The following DNAI4 variants were observed in gnomAD, a reference collection of about 807,000 sequenced individuals.
DNAI4 encodes WD repeat domain 78.
DNAI4 carries 85 observed loss-of-function variants against 105.8 expected under a neutral mutation model. The observed-to-expected ratio is 0.80, with a 90% CI of 0.67 to 0.96. The LOEUF (loss-of-function observed/expected upper bound fraction) is 0.96, where lower values mean the gene tolerates loss of function less well. Among genes scored for constraint, DNAI4 ranks in the 40% least tolerant of loss-of-function variants. The probability of loss-of-function intolerance (pLI) is 0.00; values close to 1 mark genes in which losing one functional copy is unlikely to be tolerated. For missense variants in DNAI4, 1,014 were observed against 1,005.6 expected (o/e 1.01, Z -0.11); for synonymous variants, 352 against 331.5 (o/e 1.06, Z -0.67).
At chr1:66,816,198 A>C (rs946453403) in intron 16 of DNAI4, among the ~76,000 whole-genome samples, 1 of 152,172 alleles carries the variant, frequency 6.6e-6, no homozygotes, top group African/African-American at 2.4e-5. Context: ...TAAAAGTAGC[A>C]ATTAGAAAAA....
intron 9 of DNAI4, among the ~76,000 whole-genome samples, 153 bp downstream of exon 9, chr1:66,840,316 C>A (rs2100475407): frequency 6.6e-6 from 1 of 152,138 alleles, no homozygotes; most frequent in East Asian, 1.9e-4. Flanking sequence ...CCTTTTTAAA[C>A]TGGAACTTGT....
At chr1:66,893,679 T>TAA (rs1333281171) in intron 2 of DNAI4, among the ~76,000 whole-genome samples, 2 of 152,200 alleles carry the variant, frequency 1.3e-5, no homozygotes, top group African/African-American at 4.8e-5. Context: ...AGTGGAAAGA[T>TAA]AATTCATCCA....
At chr1:66,845,155 C>G in intron 8 of DNAI4, among the ~76,000 whole-genome samples, 1 of 115,268 alleles carries the variant, frequency 8.7e-6, no homozygotes, top group Non-Finnish European at 1.8e-5. Context: ...CGTGCCTTTG[C>G]ACTCCAGCCT....
chr1:66,845,791 T>A (rs997096957), intron 8 of DNAI4, among the ~76,000 whole-genome samples: 11 of 144,672 alleles, frequency 7.6e-5, no homozygotes, highest in Admixed American at 4.5e-4. Flanking sequence ...TTATATGACA[T>A]ACCAGAATAG....
intron 10 of DNAI4, among the ~76,000 whole-genome samples, chr1:66,837,382 A>C (rs1018306960): frequency 6.6e-6 from 1 of 151,644 alleles, no homozygotes; most frequent in Non-Finnish European, 1.5e-5. Context: ...AAAAAAAAAA[A>C]AACATAATTT....
At chr1:66,893,587 AT>A (rs1457935941) in intron 2 of DNAI4, among the ~76,000 whole-genome samples, 174 bp from the exon 3 acceptor site, 9 of 152,190 alleles carry the variant, frequency 5.9e-5, no homozygotes, top group Non-Finnish European at 1.3e-4. Flanking sequence ...AAGTTTCTTA[AT>A]TATGCAAAAA....
At chr1:66,851,247 A>G (rs1479701782) in intron 7 of DNAI4, among the ~76,000 whole-genome samples, 1 of 151,938 alleles carries the variant, frequency 6.6e-6, no homozygotes, top group African/African-American at 2.4e-5. Context: ...ATTACCAGGG[A>G]TATATAGCAA....
intron 10 of DNAI4, among the ~76,000 whole-genome samples, chr1:66,836,300 GAAA>G (rs1646019584): frequency 1.3e-5 from 2 of 150,274 alleles, no homozygotes; most frequent in East Asian, 2.0e-4. Flanking sequence ...AAGAAAGAAA[GAAA>G]GAAAGAAAGA....
Position 66,834,155 on chromosome 1 carries a change from C to A in DNAI4, c.1734-7G>T. ...ATGTTTTTGAGGTGATTCACTAAAA[C>A]AGTAAAAAAAATACTAAACATATAA... On this transcript the variant is annotated splice_polypyrimidine_tract_variant and splice_region_variant and intron_variant, in intron 11 of 16. Coordinates refer to ENST00000371026, the MANE Select transcript of DNAI4 (RefSeq NM_024763.5). 1 of 1,588,154 alleles carries A rather than the reference C, an allele frequency of 6.3e-7. No individual in the cohort carries two copies. The highest frequency in any genetic ancestry group is 1.2e-5 in the South Asian group (1 of 85,110).
rs1645966091 is a variant in DNAI4, at chr1:66,835,532, A to T, written c.1733+94T>A. Reference sequence around the variant, plus strand: ...AAAAATAATGGTATCACTCTCAGTAACAACAAAAATATTTACTCAAAACTA... The same window carrying T: ...AAAAATAATGGTATCACTCTCAGTATCAACAAAAATATTTACTCAAAACTA... On this transcript the variant is annotated intron_variant, in intron 11 of 16. Transcript: ENST00000371026. 5 of 1,323,288 alleles carry T rather than the reference A, an allele frequency of 3.8e-6. No homozygotes were observed. In the South Asian group the frequency reaches 6.9e-5, roughly 18 times the overall value. The allele number at this position is 1,323,288 out of a possible 1,614,324, so 82.0% of individuals were successfully genotyped here. A position where few individuals can be genotyped will look rare whatever the true frequency, so the allele number is the denominator to read the frequency against.
chr1:66,836,217 AGAG>A (rs879752671), intron 10 of DNAI4, among the ~76,000 whole-genome samples: 5,043 of 112,616 alleles, frequency 0.045, 431 homozygotes, highest in East Asian at 0.13. Context: ...AGAGAGAGAG[AGAG>A]AGAGAGAGAG....
chr1:66,911,859 T>C (rs550808862), intron 1 of DNAI4, among the ~76,000 whole-genome samples: 1 of 152,302 alleles, frequency 6.6e-6, no homozygotes, highest in Admixed American at 6.5e-5. Context: ...TTCTTTTCTT[T>C]GAGACAGAGT....
chr1:66,844,981 G>A (rs1646239444), intron 8 of DNAI4, among the ~76,000 whole-genome samples: 1 of 152,054 alleles, frequency 6.6e-6, no homozygotes, highest in East Asian at 1.9e-4. Context: ...ATCACCTGAG[G>A]TCAAGAGTTC....
At chr1:66,868,957 C>G (rs1454964938) in intron 6 of DNAI4, among the ~76,000 whole-genome samples, 1 of 151,692 alleles carries the variant, frequency 6.6e-6, no homozygotes, top group Non-Finnish European at 1.5e-5. Context: ...GCCTGTAGTC[C>G]CAGATACTTG....
chr1:66,829,028 A>C (rs537521918), intron 13 of DNAI4, among the ~76,000 whole-genome samples: 1 of 152,226 alleles, frequency 6.6e-6, no homozygotes, highest in South Asian at 2.1e-4. Context: ...CTCAGGAACA[A>C]CCTCTATGTG....
At chr1:66,861,476 G>T (rs1463401419) in intron 7 of DNAI4, among the ~76,000 whole-genome samples, 1 of 152,102 alleles carries the variant, frequency 6.6e-6, no homozygotes, top group Admixed American at 6.6e-5. Context: ...CTTAGTAAAG[G>T]TTCTTCCACA....
At chr1:66,815,762 C>T (rs1645502358) in intron 16 of DNAI4, among the ~76,000 whole-genome samples, 1 of 152,158 alleles carries the variant, frequency 6.6e-6, no homozygotes, top group African/African-American at 2.4e-5. Flanking sequence ...AGAGCTGGTG[C>T]CTCCCCAGTC....
chr1:66,883,148 A>G (rs909046154), intron 4 of DNAI4, among the ~76,000 whole-genome samples: 84 of 149,040 alleles, frequency 5.6e-4, no homozygotes, highest in African/African-American at 2.0e-3. Flanking sequence ...GTTGCAGGAT[A>G]CATGCCTATT....
chr1:66,847,667 T>G lies in DNAI4; in HGVS notation c.1108A>C (p.Ser370Arg), dbSNP rs747207053. ...ACATTTTCTATGTCCATTAGAGAACTAGTTTCACTATCTACAAAATACAAA... is the reference window on the plus strand; with the variant it reads ...ACATTTTCTATGTCCATTAGAGAACGAGTTTCACTATCTACAAAATACAAA... ...GSTTEKNSET[S>R]SLMDIENVIL... Residue 370 changes from serine (S) to arginine (R), a missense_variant, in exon 8 of 17, where the codon AGT becomes CGT. Coordinates refer to ENST00000371026, the MANE Select transcript of DNAI4 (RefSeq NM_024763.5). 8 of 1,601,946 alleles carry G rather than the reference T, an allele frequency of 5.0e-6. No homozygotes were observed. The highest frequency in any genetic ancestry group is 6.8e-6 in the Non-Finnish European group (8 of 1,173,832).
Sources: allele counts gnomAD v4.1 joint callset (sites outside exome capture counted in the v4.1 genomes callset), GRCh38; gene constraint gnomAD v4.1.1; transcripts MANE v1.5; gene names NCBI Gene and HGNC (gene_info 2026-07-23, HGNC 2026-07-21).